Variants in DCUN1D4 observed in about 807,000 individuals in gnomAD.
DCUN1D4 encodes the protein defective in cullin neddylation 1 domain containing 4.
A neutral mutation model predicts 47.9 loss-of-function variants in DCUN1D4; 22 were observed. That is an observed-to-expected ratio of 0.46 (90% CI 0.33 to 0.66). The LOEUF is 0.66. Among genes scored for constraint, DCUN1D4 ranks in the 30% least tolerant of loss-of-function variants. The pLI, the probability that DCUN1D4 is intolerant of heterozygous loss-of-function variation, is 0.02. For missense variants in DCUN1D4, 301 were observed against 340.8 expected (o/e 0.88, Z 0.92); for synonymous variants, 121 against 112.2 (o/e 1.08, Z -0.50).
At chr4:51,896,957 C>T (rs1731358958) in intron 7 of DCUN1D4, among the ~76,000 whole-genome samples, 2 of 152,188 alleles carry the variant, frequency 1.3e-5, no homozygotes, top group South Asian at 4.1e-4. Context: ...ATACCTCTTT[C>T]CCACTTCCTC....
chr4:51,844,296 TC>T (rs1298975477), intron 1 of DCUN1D4: 86 of 949,058 alleles, frequency 9.1e-5, no homozygotes, highest in African/African-American at 1.5e-4. Context: ...AGTCCAAGCT[TC>T]GGGGTGCGGA....
chr4:51,886,361 G>A (rs1729474377), intron 5 of DCUN1D4, among the ~76,000 whole-genome samples: 1 of 152,158 alleles, frequency 6.6e-6, no homozygotes, highest in African/African-American at 2.4e-5. Context: ...GAAGGACATG[G>A]TGATAAGTTG....
In DCUN1D4 at chr4:51,915,129, A is replaced by T. The variant is rs1296512163; in HGVS notation, c.*1545A>T. ...ATGGCATTAAGTGAATAAAGCACAC[A>T]GACAGTGCTACTCTTGACCACTATT... On this transcript the variant is annotated 3_prime_UTR_variant, in exon 11 of 11. Transcript: ENST00000334635. 1 of 152,622 alleles carries T rather than the reference A, an allele frequency of 6.6e-6. No individual in the cohort carries two copies. The highest frequency in any genetic ancestry group is 2.4e-5 in the African/African-American group (1 of 41,458). The allele number at this position is 152,622 out of a possible 1,614,324, so 9.5% of individuals were successfully genotyped here. A position where few individuals can be genotyped will look rare whatever the true frequency, so the allele number is the denominator to read the frequency against.
intron 1 of DCUN1D4, 107 bp downstream of exon 1, chr4:51,843,374 G>T: frequency 1.4e-6 from 2 of 1,387,370 alleles, no homozygotes; most frequent in Non-Finnish European, 1.9e-6. Context: ...AACGCGCCGG[G>T]AGCCCCTGCC....
chr4:51,844,736 A>T, intron 1 of DCUN1D4: 1 of 731,564 alleles, frequency 1.4e-6, no homozygotes, highest in Non-Finnish European at 1.7e-6. Flanking sequence ...GTTTGTCTCC[A>T]GTCAACGGGT....
chr4:51,852,292 T>G (rs1412937644), intron 1 of DCUN1D4, among the ~76,000 whole-genome samples: 2 of 152,262 alleles, frequency 1.3e-5, no homozygotes, highest in Non-Finnish European at 2.9e-5. Flanking sequence ...ATTTTTAGTC[T>G]TCTTAGATTT....
chr4:51,851,222 C>T (rs982562885), intron 1 of DCUN1D4, among the ~76,000 whole-genome samples: 4 of 152,038 alleles, frequency 2.6e-5, no homozygotes, highest in South Asian at 2.1e-4. Flanking sequence ...TGGGGGAGAC[C>T]GGGGCTTCAG....
At position 51,847,497 on chromosome 4, in the gene DCUN1D4, G is replaced by A. The variant is rs1340315367; in HGVS notation, c.25+4230G>A. On this transcript the variant is annotated intron_variant, in intron 1 of 10. Transcript: ENST00000334635. ...TTATCCTCTTCTTCCCTGGTCAGTG[G>A]CAAGGAGAGATTGCATCTCTTCCCA... 2.6e-5 allele frequency among the ~76,000 whole-genome samples: 4 copies of A among 152,118 alleles called. No homozygotes were observed. The East Asian group carries it at 7.7e-4, about 29-fold the overall frequency.
chr4:51,846,647 A>T (rs1722591412), intron 1 of DCUN1D4, among the ~76,000 whole-genome samples: 1 of 152,196 alleles, frequency 6.6e-6, no homozygotes. Flanking sequence ...TGAGAAACTG[A>T]CCTCATGATG....
chr4:51,863,208 C>A (rs1292773062), intron 1 of DCUN1D4, among the ~76,000 whole-genome samples: 1 of 152,010 alleles, frequency 6.6e-6, no homozygotes, highest in Non-Finnish European at 1.5e-5. Context: ...TTTTGTTTTA[C>A]CTTAGAATTC....
In DCUN1D4 at chr4:51,874,308, T is replaced by A. The variant is rs773258238; in HGVS notation, c.174T>A (p.Asn58Lys). 1 of 1,613,562 alleles carries A rather than the reference T, an allele frequency of 6.2e-7. No homozygotes were observed. Among genetic ancestry groups the A allele is most frequent in the South Asian group, 1.1e-5 (1 of 90,960 alleles). ...LRSCSSSDCFNKVMPPRKKRR... is the reference protein window; with the variant it reads ...LRSCSSSDCFKKVMPPRKKRR... ...CTTGCAGTTCTTCAGACTGCTTTAA[T>A]AAAGTGATGCCACCAAGGAAAAAGA... Residue 58 changes from asparagine to lysine, a missense_variant, in exon 4 of 11, where the codon AAT becomes AAA. By Grantham distance (94) the Asn-to-Lys change is moderately conservative. Transcript: ENST00000334635.
At chr4:51,850,507 C>A (rs1723211411) in intron 1 of DCUN1D4, among the ~76,000 whole-genome samples, 1 of 152,188 alleles carries the variant, frequency 6.6e-6, no homozygotes. Context: ...AGTAGAGTTA[C>A]CCAGCTGCTC....
At chr4:51,846,453 T>C (rs1187184131) in intron 1 of DCUN1D4, among the ~76,000 whole-genome samples, 1 of 152,228 alleles carries the variant, frequency 6.6e-6, no homozygotes, top group Non-Finnish European at 1.5e-5. Context: ...TTAATCATGT[T>C]TTTTCAAACT....
chr4:51,851,588 G>A (rs1228220141), intron 1 of DCUN1D4, among the ~76,000 whole-genome samples: 1 of 151,962 alleles, frequency 6.6e-6, no homozygotes, highest in African/African-American at 2.4e-5. Flanking sequence ...TCGGTGGGAA[G>A]AACTCAAAAG....
intron 1 of DCUN1D4, among the ~76,000 whole-genome samples, chr4:51,860,288 T>A (rs1724845655): frequency 6.6e-6 from 1 of 152,216 alleles, no homozygotes; most frequent in Non-Finnish European, 1.5e-5. Context: ...ATTGGTGACA[T>A]ATATTATGTA....
upstream of DCUN1D4, among the ~76,000 whole-genome samples, chr4:51,839,569 C>A (rs1393887500): frequency 6.6e-6 from 1 of 152,206 alleles, no homozygotes; most frequent in Non-Finnish European, 1.5e-5. Flanking sequence ...ATCCTGCCCT[C>A]TATGGATAAA....
intron 1 of DCUN1D4, among the ~76,000 whole-genome samples, chr4:51,863,198 T>C (rs183913399): frequency 3.3e-4 from 50 of 152,320 alleles, no homozygotes; most frequent in East Asian, 1.2e-3. Flanking sequence ...CTGAAGTACT[T>C]TTTGTTTTAC....
At chr4:51,877,902 G>A in intron 5 of DCUN1D4, 48 bp downstream of exon 5, 1 of 1,277,048 alleles carries the variant, frequency 7.8e-7, no homozygotes, top group South Asian at 1.3e-5. Flanking sequence ...TGACAATAAG[G>A]AGTACCTTAG....
At chr4:51,863,765 G>T (rs2109904669) in intron 3 of DCUN1D4, 56 bp downstream of exon 3, 1 of 1,518,506 alleles carries the variant, frequency 6.6e-7, no homozygotes, top group Non-Finnish European at 9.1e-7. Context: ...TATTAGGAAA[G>T]AGAAATACTA....
Sources: allele counts gnomAD v4.1 joint callset (sites outside exome capture counted in the v4.1 genomes callset), GRCh38; gene constraint gnomAD v4.1.1; transcripts MANE v1.5; gene names NCBI Gene and HGNC (gene_info 2026-07-23, HGNC 2026-07-21).